Variants in C3orf49 observed in about 807,000 individuals in gnomAD.
C3orf49 encodes the protein chromosome 3 open reading frame 49.
Under a neutral mutation model 13.3 loss-of-function variants are expected in C3orf49, and 27 were observed. The observed-to-expected ratio is 2.02, with a 90% CI of 1.49 to 2.79. The LOEUF is 2.79. Among genes scored for constraint, C3orf49 ranks in the 30% most tolerant of loss-of-function variants. The pLI is 0.00. For synonymous variants in C3orf49, 87 were observed against 47.6 expected, an observed-to-expected ratio of 1.83 and a Z score of -3.40; for missense variants, 242 against 134.2, an observed-to-expected ratio of 1.80 and a Z score of -3.97.
At chr3:63,804,573 T>C in the C3orf49 span, among the ~76,000 whole-genome samples, 1 of 152,192 alleles carries the variant, frequency 6.6e-6, no homozygotes, top group African/African-American at 2.4e-5. Flanking sequence ...AGATTGCTTT[T>C]CATGTAGCTC....
At chr3:63,790,621 C>G in the C3orf49 span, among the ~76,000 whole-genome samples, 1 of 145,228 alleles carries the variant, frequency 6.9e-6, no homozygotes, top group Non-Finnish European at 1.5e-5. Flanking sequence ...TTTTTTGGCA[C>G]CTCAATGCAG....
At position 63,821,414 on chromosome 3, in the gene C3orf49, T is replaced by C. The variant is rs541805930; in HGVS notation, c.125+1818T>C. Reference sequence around the variant, plus strand: ...CCATATTAGAAATATATGTTATATATTTAATACAACGTAATAGCATAATAT... The same window carrying C: ...CCATATTAGAAATATATGTTATATACTTAATACAACGTAATAGCATAATAT... On this transcript the variant is annotated intron_variant, in intron 1 of 6. Transcript: ENST00000295896. Among the ~76,000 whole-genome samples, 10 of 152,288 alleles carry C rather than the reference T, an allele frequency of 6.6e-5. No homozygotes were observed. In the South Asian group the frequency reaches 1.7e-3, roughly 25 times the overall value.
the C3orf49 span, among the ~76,000 whole-genome samples, chr3:63,785,544 G>T: frequency 6.6e-6 from 1 of 152,094 alleles, no homozygotes; most frequent in Non-Finnish European, 1.5e-5. Flanking sequence ...ACTGAAAAGG[G>T]TGTTCATAAA....
rs560225863 is a variant in C3orf49, at chr3:63,836,215, T to C, written c.849+4371T>C. 4 of 1,285,822 alleles carry C rather than the reference T, an allele frequency of 3.1e-6. No homozygotes were observed. The South Asian group carries it at 5.5e-5, about 18-fold the overall frequency. 79.7% of individuals were successfully genotyped at this position (1,285,822 alleles called of 1,614,324 possible). A position where few individuals can be genotyped will look rare whatever the true frequency, so the allele number is the denominator to read the frequency against. ...GACCCCTCCTTTTGAAACATATTTATTTCTGCAAAAATGAAATGCCTACGG... is the reference window on the plus strand; with the variant it reads ...GACCCCTCCTTTTGAAACATATTTACTTCTGCAAAAATGAAATGCCTACGG... On this transcript the variant is annotated intron_variant, in intron 5 of 6. Transcript: ENST00000295896.
chr3:63,781,875 A>C, the C3orf49 span, among the ~76,000 whole-genome samples: 1 of 152,172 alleles, frequency 6.6e-6, no homozygotes, highest in Admixed American at 6.5e-5. Context: ...CAACCCTAGG[A>C]AGTAGGGACC....
chr3:63,802,173 C>T, the C3orf49 span, among the ~76,000 whole-genome samples: 1 of 152,174 alleles, frequency 6.6e-6, no homozygotes, highest in Admixed American at 6.5e-5. Flanking sequence ...TACCTTGTCT[C>T]ATTTCCGTTG....
At position 63,819,328 on chromosome 3, in the gene C3orf49, G is replaced by T; in HGVS notation, c.-144G>T. ...AACACCTGGAAGGGAATAAGGGAAA[G>T]ACTCTAAAAATTTCCTACATATTTT... On this transcript the variant is annotated 5_prime_UTR_variant, in exon 1 of 7. Transcript: ENST00000295896. The T allele has an allele frequency of 1.7e-6, 1 of 589,538 alleles. No homozygotes were observed. The highest frequency in any genetic ancestry group is 3.0e-6 in the Non-Finnish European group (1 of 330,534). The allele number at this position is 589,538 out of a possible 1,614,324, so 36.5% of individuals were successfully genotyped here.
chr3:63,805,959 A>G, the C3orf49 span, among the ~76,000 whole-genome samples: 1 of 152,092 alleles, frequency 6.6e-6, no homozygotes, highest in Non-Finnish European at 1.5e-5. Flanking sequence ...GTTTTTTTAT[A>G]CTTTAAAAAA....
chr3:63,788,670 C>T, the C3orf49 span, among the ~76,000 whole-genome samples: 10 of 151,692 alleles, frequency 6.6e-5, no homozygotes, highest in Admixed American at 3.9e-4. Flanking sequence ...TTTCTTTAAC[C>T]TCATTTAATC....
the C3orf49 span, among the ~76,000 whole-genome samples, chr3:63,781,138 C>A: frequency 3.3e-5 from 5 of 150,982 alleles, no homozygotes; most frequent in African/African-American, 4.9e-5. Flanking sequence ...ACATTTAAGT[C>A]TTTAATCCAT....
At chr3:63,794,010 C>G in the C3orf49 span, among the ~76,000 whole-genome samples, 2 of 152,082 alleles carry the variant, frequency 1.3e-5, no homozygotes, top group Admixed American at 1.3e-4. Flanking sequence ...AAAAAATTAG[C>G]CAGTGGTGGT....
chr3:63,814,126 T>G, the C3orf49 span, among the ~76,000 whole-genome samples: 4 of 152,108 alleles, frequency 2.6e-5, no homozygotes, highest in Non-Finnish European at 4.4e-5. Context: ...ACTGAATGCT[T>G]GTGAGTATGT....
Position 63,834,022 on chromosome 3 carries a change from A to T in C3orf49, c.849+2178A>T, listed in dbSNP as rs1005088796. ...GAAATACATTCATACTTAAAAACAG[A>T]GTATTTTACTGCCAAAACTTTAAAT... is the stretch of plus-strand genomic sequence containing the variant. On this transcript the variant is annotated intron_variant, in intron 5 of 6. Coordinates refer to ENST00000295896, the MANE Select transcript of C3orf49 (RefSeq NM_001355236.2). The T allele has an allele frequency of 3.3e-5, 32 of 967,868 alleles. No individual in the cohort carries two copies. The Admixed American group carries it at 7.7e-4, about 23-fold the overall frequency. The allele number at this position is 967,868 out of a possible 1,614,324, so 60.0% of individuals were successfully genotyped here. A position where few individuals can be genotyped will look rare whatever the true frequency, so the allele number is the denominator to read the frequency against.
At chr3:63,836,458 A>G in intron 5 of C3orf49, 1 of 1,070,898 alleles carries the variant, frequency 9.3e-7, no homozygotes. Flanking sequence ...TCACTTTCCT[A>G]GTACATCAAG....
chr3:63,805,283 C>A, the C3orf49 span, among the ~76,000 whole-genome samples: 1 of 152,204 alleles, frequency 6.6e-6, no homozygotes, highest in Non-Finnish European at 1.5e-5. Flanking sequence ...TTCTACAAGG[C>A]TTCCTAACCA....
Position 63,831,766 on chromosome 3 carries a change from G to A in C3orf49, c.771G>A (p.Leu257=). 1.4e-6 allele frequency: 1 copy of A among 703,058 alleles called. No homozygotes were observed. The highest frequency in any genetic ancestry group is 1.7e-5 in the African/African-American group (1 of 57,362). 43.6% of individuals were successfully genotyped at this position (703,058 alleles called of 1,614,324 possible). The change falls in exon 5 of 7, where the codon CTG becomes CTA. Residue 257 remains leucine, a synonymous_variant. Transcript: ENST00000295896. ...RHAELQQCEF[L]GDEILQSSKQ... ...CTGAGCTTCAACAGTGTGAGTTTCT[G>A]GGGGATGAAATTCTTCAGTCTTCTA... is the stretch of plus-strand genomic sequence containing the variant.
At chr3:63,843,856 A>C (rs1055308949) in intron 5 of C3orf49, among the ~76,000 whole-genome samples, 3 of 151,950 alleles carry the variant, frequency 2.0e-5, no homozygotes, top group Non-Finnish European at 4.4e-5. Flanking sequence ...AACCGAGATC[A>C]CGCCACTGCA....
chr3:63,801,194 G>A, the C3orf49 span, among the ~76,000 whole-genome samples: 1 of 152,106 alleles, frequency 6.6e-6, no homozygotes. Flanking sequence ...AATCAATGGG[G>A]AAACTGAAGC....
chr3:63,804,525 C>G, the C3orf49 span, among the ~76,000 whole-genome samples: 1 of 152,142 alleles, frequency 6.6e-6, no homozygotes, highest in Non-Finnish European at 1.5e-5. Context: ...GAATGTTCTT[C>G]TCTTCTTCTT....
Sources: gnomAD v4.1 joint callset for allele counts (sites outside exome capture counted in the v4.1 genomes callset) on GRCh38, gnomAD v4.1.1 for gene constraint, MANE v1.5 for transcripts, NCBI Gene and HGNC (gene_info 2026-07-23, HGNC 2026-07-21) for gene names.